SHISA6: variants seen among roughly 807,000 people sequenced by gnomAD.
SHISA6 encodes shisa family member 6.
In SHISA6, 22 loss-of-function variants were observed where a neutral mutation model predicts 47.9. That is an observed-to-expected ratio of 0.46 (90% CI 0.33 to 0.66). SHISA6 has a LOEUF of 0.66. Among genes scored for constraint, SHISA6 ranks in the 30% least tolerant of loss-of-function variants. The probability of loss-of-function intolerance (pLI) is 0.02; values close to 1 mark genes in which losing one functional copy is unlikely to be tolerated. For missense variants in SHISA6, 680 were observed against 764.6 expected, an observed-to-expected ratio of 0.89 and a Z score of 1.30; for synonymous variants, 388 against 337.8, an observed-to-expected ratio of 1.15 and a Z score of -1.63.
At position 11,394,751 on chromosome 17, in the gene SHISA6, G is replaced by A. The variant is rs996087293; in HGVS notation, c.895+15242G>A. 5.9e-5 allele frequency among the ~76,000 whole-genome samples: 9 copies of A among 152,006 alleles called. No individual in the cohort carries two copies. The East Asian group carries it at 1.5e-3, about 26-fold the overall frequency. On this transcript the variant is annotated intron_variant, in intron 3 of 5. Coordinates refer to ENST00000441885, the MANE Select transcript of SHISA6 (RefSeq NM_207386.4). The stretch of plus-strand genomic sequence containing the variant: ...AAGAATAACGGTGCAGATAATTCCT[G>A]TATACCCTTCGAATTTTCCAAATTT...
At chr17:11,525,659 A>AAAAAAAAAAAAAAC (rs1567629385) in intron 3 of SHISA6, among the ~76,000 whole-genome samples, 2 of 148,764 alleles carry the variant, frequency 1.3e-5, no homozygotes, top group African/African-American at 5.1e-5. Context: ...AAACAAAAAA[A>AAAAAAAAAAAAAAC]AAAAAACGTG....
intron 3 of SHISA6, among the ~76,000 whole-genome samples, chr17:11,440,699 CTACA>C (rs1915071809): frequency 6.6e-6 from 1 of 151,324 alleles, no homozygotes; most frequent in Non-Finnish European, 1.5e-5. Context: ...CAAGTAATAG[CTACA>C]TAATGCATGG....
intron 3 of SHISA6, among the ~76,000 whole-genome samples, chr17:11,400,375 A>G (rs1913726282): frequency 6.6e-6 from 1 of 151,986 alleles, no homozygotes; most frequent in Non-Finnish European, 1.5e-5. Flanking sequence ...GTTTTTCTCT[A>G]GTTGCTCAAG....
At chr17:11,421,559 G>T (rs771954652) in intron 3 of SHISA6, among the ~76,000 whole-genome samples, 5 of 152,180 alleles carry the variant, frequency 3.3e-5, no homozygotes, top group Non-Finnish European at 7.3e-5. Flanking sequence ...TATCCAGCAC[G>T]AAGACATGAT....
intron 1 of SHISA6, among the ~76,000 whole-genome samples, chr17:11,257,669 AAAAG>A (rs1320679908): frequency 7.3e-5 from 11 of 151,644 alleles, no homozygotes; most frequent in African/African-American, 9.7e-5. Flanking sequence ...TCAAAAAAAA[AAAAG>A]AAAAAAAGAA....
At chr17:11,423,700 T>G (rs1914525543) in intron 3 of SHISA6, among the ~76,000 whole-genome samples, 1 of 151,892 alleles carries the variant, frequency 6.6e-6, no homozygotes, top group African/African-American at 2.4e-5. Flanking sequence ...CCGCCAAAAC[T>G]GCAAAATAAG....
intron 2 of SHISA6, among the ~76,000 whole-genome samples, chr17:11,291,874 G>A (rs1367375889): frequency 7.2e-5 from 11 of 152,022 alleles, no homozygotes; most frequent in South Asian, 4.2e-4. Flanking sequence ...GGGCCCATCC[G>A]AGGTCCTCAT....
chr17:11,255,041 C>G (rs1375050550), intron 1 of SHISA6, among the ~76,000 whole-genome samples: 1 of 152,238 alleles, frequency 6.6e-6, no homozygotes, highest in East Asian at 1.9e-4. Flanking sequence ...AGCAGCTTTG[C>G]TTTGTGGCAG....
intron 3 of SHISA6, among the ~76,000 whole-genome samples, chr17:11,422,540 T>C (rs1188430680): frequency 1.3e-5 from 2 of 152,042 alleles, no homozygotes; most frequent in African/African-American, 2.4e-5. Flanking sequence ...TCACCTGAGG[T>C]CAGGAGTTTG....
chr17:11,451,009 A>C (rs1004048097), intron 3 of SHISA6, among the ~76,000 whole-genome samples: 13 of 151,996 alleles, frequency 8.6e-5, no homozygotes, highest in South Asian at 2.1e-4. Flanking sequence ...AAAAAAAAAA[A>C]AAAACAGATT....
intron 2 of SHISA6, among the ~76,000 whole-genome samples, chr17:11,311,705 C>T (rs1361397022): frequency 6.6e-6 from 1 of 152,082 alleles, no homozygotes; most frequent in Non-Finnish European, 1.5e-5. Context: ...TTAATCTCTC[C>T]ATTGTTAATT....
chr17:11,505,829 A>G lies in SHISA6; in HGVS notation c.896-46067A>G, dbSNP rs567396706. Among the ~76,000 whole-genome samples the G allele has an allele frequency of 3.9e-5, 6 of 152,362 alleles. No homozygotes were observed. In the South Asian group the frequency reaches 1.2e-3, roughly 32 times the overall value. On this transcript the variant is annotated intron_variant, in intron 3 of 5. Transcript: ENST00000441885. ...ATGGGAAGCCAGAGAATCAACAACA[A>G]TAGGATAAAACCCTGCCATTCAAAG...
chr17:11,280,879 C>G (rs1909093019), intron 2 of SHISA6, among the ~76,000 whole-genome samples: 1 of 152,154 alleles, frequency 6.6e-6, no homozygotes, highest in South Asian at 2.1e-4. Flanking sequence ...AGGATTTGTT[C>G]AAAGGGAATT....
chr17:11,548,446 T>C (rs1002920937), intron 3 of SHISA6, among the ~76,000 whole-genome samples: 1 of 151,164 alleles, frequency 6.6e-6, no homozygotes, highest in Non-Finnish European at 1.5e-5. Flanking sequence ...ATTTCATATA[T>C]ATATATATAT....
intron 2 of SHISA6, among the ~76,000 whole-genome samples, chr17:11,332,998 A>AG (rs1238123551): frequency 3.9e-5 from 6 of 152,198 alleles, no homozygotes; most frequent in Non-Finnish European, 8.8e-5. Context: ...CCTGCAGAGC[A>AG]GCGGGGGCCT....
At chr17:11,402,204 G>A (rs1913798272) in intron 3 of SHISA6, among the ~76,000 whole-genome samples, 1 of 151,982 alleles carries the variant, frequency 6.6e-6, no homozygotes, top group African/African-American at 2.4e-5. Context: ...ATCCTTCCTG[G>A]CCATACTTCA....
intron 3 of SHISA6, among the ~76,000 whole-genome samples, chr17:11,481,922 TA>T (rs570808643): frequency 1.5e-3 from 230 of 151,870 alleles, no homozygotes; most frequent in African/African-American, 5.4e-3. Context: ...AAAAATGCCA[TA>T]AAAAAATACC....
chr17:11,516,915 C>T (rs544979284), intron 3 of SHISA6, among the ~76,000 whole-genome samples: 2 of 152,298 alleles, frequency 1.3e-5, no homozygotes, highest in South Asian at 4.1e-4. Context: ...AACCCAAATT[C>T]AGCACCTTCT....
rs1347866666 is a variant in SHISA6 at position 11,263,439 on chromosome 17, A to G, written c.712A>G (p.Ile238Val). 6.4e-7 allele frequency: 1 copy of G among 1,551,934 alleles called. No homozygotes were observed. Among genetic ancestry groups the G allele is most frequent in the Non-Finnish European group, 8.7e-7 (1 of 1,147,062 alleles). The change falls in exon 2 of 6, where the codon ATC (isoleucine) becomes GTC (valine). Residue 238 changes from isoleucine (I) to valine (V), a missense_variant. By Grantham distance (29) the Ile-to-Val change is conservative. Transcript: ENST00000441885. ...CTGTGAAAGAGAAACTATCTCGGCT[A>G]TCGATACCTCTCCCAAAGAGAACAC... ...AHCERETISA[I>V]DTSPKENTPV...
Sources: allele counts gnomAD v4.1 joint callset (sites outside exome capture counted in the v4.1 genomes callset), GRCh38; gene constraint gnomAD v4.1.1; transcripts MANE v1.5; gene names NCBI Gene and HGNC (gene_info 2026-07-23, HGNC 2026-07-21).